TTYH3: variants seen among roughly 807,000 people sequenced by gnomAD.
The protein encoded by TTYH3 is tweety family member 3.
TTYH3 carries 23 observed loss-of-function variants against 68.2 expected under a neutral mutation model. The observed-to-expected ratio is 0.34, with a 90% CI of 0.24 to 0.48. TTYH3 has a LOEUF of 0.48. TTYH3 is among the 20% of genes least tolerant of loss of function. The pLI is 0.99. For synonymous variants in TTYH3, 360 were observed against 332.8 expected, an observed-to-expected ratio of 1.08 and a Z score of -0.89; for missense variants, 768 against 727.7, an observed-to-expected ratio of 1.06 and a Z score of -0.64.
At chr7:2,657,421 GAT>G (rs1339793615) in intron 11 of TTYH3, among the ~76,000 whole-genome samples, 1 of 45,984 alleles carries the variant, frequency 2.2e-5, no homozygotes, top group Non-Finnish European at 3.4e-5. Flanking sequence ...TGGTGGTGGT[GAT>G]GGTGATGGTG....
rs189104751 is a variant in TTYH3, at chr7:2,633,472, G to A, written c.123+1194G>A. On this transcript the variant is annotated intron_variant, in intron 1 of 13. Transcript: ENST00000258796. ...GCCGAGCCGATGACGTTTCCTAACA[G>A]ATGAGGAAGGGGGCGAGGGATCGGC... Among the ~76,000 whole-genome samples the A allele has an allele frequency of 4.2e-3, 646 of 152,246 alleles. 6 individuals carry two copies. Among genetic ancestry groups the A allele is most frequent in the African/African-American group, 0.014 (593 of 41,562 alleles).
chr7:2,643,196 A>G (rs1377839608), intron 1 of TTYH3, among the ~76,000 whole-genome samples: 1 of 151,038 alleles, frequency 6.6e-6, no homozygotes, highest in Non-Finnish European at 1.5e-5. Context: ...TCTATTAAAA[A>G]TACAAAAAAT....
At chr7:2,649,497 C>A (rs1786100016) in intron 5 of TTYH3, 70 bp from the exon 6 acceptor site, 2 of 1,469,824 alleles carry the variant, frequency 1.4e-6, no homozygotes, top group Non-Finnish European at 1.8e-6. Flanking sequence ...TGCCTTCTGG[C>A]CTGCAGCCCA....
At position 2,647,020 on chromosome 7, in the gene TTYH3, C is replaced by G; in HGVS notation, c.291C>G (p.Cys97Trp). 1 of 1,557,652 alleles carries G rather than the reference C, an allele frequency of 6.4e-7. No individual in the cohort carries two copies. The highest frequency in any genetic ancestry group is 8.7e-7 in the Non-Finnish European group (1 of 1,155,754). The change falls in exon 2 of 14, where the codon TGC (cysteine) becomes TGG (tryptophan). Residue 97 changes from cysteine (C) to tryptophan (W), a missense_variant and splice_region_variant. Cys to Trp is a radical substitution (Grantham distance 215). Coordinates refer to ENST00000258796, the MANE Select transcript of TTYH3 (RefSeq NM_025250.3). Reference sequence around the variant, plus strand: ...GTGTCATCATCGCCACGCTGGTGTGCAGGTGAGCGCGGTGGGGCGGGGACG... The same window carrying G: ...GTGTCATCATCGCCACGCTGGTGTGGAGGTGAGCGCGGTGGGGCGGGGACG... ...AWCVIIATLV[C>W]SAGIAVGFYG...
chr7:2,637,268 G>T (rs1355363935), intron 1 of TTYH3, among the ~76,000 whole-genome samples: 2 of 152,144 alleles, frequency 1.3e-5, no homozygotes, highest in Admixed American at 1.3e-4. Flanking sequence ...CCCCGGCCGG[G>T]GGCTCTTGGT....
At position 2,647,163 on chromosome 7, in the gene TTYH3, C is replaced by G; in HGVS notation, c.315C>G (p.Phe105Leu). 1 of 1,606,118 alleles carries G rather than the reference C, an allele frequency of 6.2e-7. No individual in the cohort carries two copies. Among genetic ancestry groups the G allele is most frequent in the Non-Finnish European group, 8.5e-7 (1 of 1,177,808 alleles). Residue 105 changes from phenylalanine to leucine, a missense_variant, in exon 3 of 14, where the codon TTC becomes TTG. Physicochemically the swap from Phe to Leu is conservative, Grantham distance 22. Transcript: ENST00000258796. ...LVCSAGIAVGFYGNGETSDGI... is the reference protein window; with the variant it reads ...LVCSAGIAVGLYGNGETSDGI... ...CCAGCGCCGGCATCGCAGTGGGATT[C>G]TACGGCAACGGGGAGACCAGTGATG...
intron 7 of TTYH3, 70 bp downstream of exon 7, chr7:2,650,058 G>A: frequency 6.5e-7 from 1 of 1,545,162 alleles, no homozygotes; most frequent in Non-Finnish European, 8.9e-7. Context: ...GAGTGGGGTA[G>A]CTGAGGCCGA....
intron 11 of TTYH3, among the ~76,000 whole-genome samples, chr7:2,657,401 G>GA (rs1786367050): frequency 7.9e-6 from 1 of 127,240 alleles, no homozygotes; most frequent in African/African-American, 4.1e-5. Context: ...GATGATGGTG[G>GA]TGGTGGTTGT....
chr7:2,641,260 G>T (rs528247610), intron 1 of TTYH3, among the ~76,000 whole-genome samples: 44 of 152,312 alleles, frequency 2.9e-4, no homozygotes, highest in African/African-American at 1.0e-3. Context: ...TGGCTGGCTG[G>T]GTGTTTCCAG....
intron 8 of TTYH3, 103 bp downstream of exon 8, chr7:2,652,345 G>C: frequency 9.9e-7 from 1 of 1,007,836 alleles, no homozygotes. Context: ...TCAGCCTGCA[G>C]GACTGGGGAA....
At chr7:2,651,811 G>T (rs938574531) in intron 7 of TTYH3, among the ~76,000 whole-genome samples, 1 of 152,160 alleles carries the variant, frequency 6.6e-6, no homozygotes, top group African/African-American at 2.4e-5. Flanking sequence ...GTGGAACCCA[G>T]GCAAGGGGCA....
At position 2,662,948 on chromosome 7, in the gene TTYH3, C is replaced by A. The variant is rs1447989084; in HGVS notation, c.*1209C>A. Reference sequence around the variant, plus strand: ...GCAGGTGCTGCCCCAGGAGGACTGTCCTCGGGAATGAACCTCCCGCGGGCT... The same window carrying A: ...GCAGGTGCTGCCCCAGGAGGACTGTACTCGGGAATGAACCTCCCGCGGGCT... On this transcript the variant is annotated 3_prime_UTR_variant, in exon 14 of 14. Transcript: ENST00000258796. 6.6e-6 allele frequency: 1 copy of A among 152,288 alleles called. No individual in the cohort carries two copies. Among genetic ancestry groups the A allele is most frequent in the Non-Finnish European group, 1.5e-5 (1 of 68,072 alleles). The allele number at this position is 152,288 out of a possible 1,614,324, so 9.4% of individuals were successfully genotyped here.
In TTYH3 at chr7:2,661,854, G is replaced by GGGGCAC; in HGVS notation, c.*115_*116insGGGCAC. 3 of 1,186,396 alleles carry GGGGCAC rather than the reference G, an allele frequency of 2.5e-6. No individual in the cohort carries two copies. Among genetic ancestry groups the GGGGCAC allele is most frequent in the Non-Finnish European group, 3.6e-6 (3 of 834,698 alleles). 73.5% of individuals were successfully genotyped at this position (1,186,396 alleles called of 1,614,324 possible). On this transcript the variant is annotated 3_prime_UTR_variant, in exon 14 of 14. Coordinates refer to ENST00000258796, the MANE Select transcript of TTYH3 (RefSeq NM_025250.3). ...CGCACGCCGTGCCAGGCCTGCCCCA[G>GGGGCAC]ACGCGTCTGCAGGCCGCTTGCCCTC...
chr7:2,654,478 T>C (rs1393409660), intron 9 of TTYH3, among the ~76,000 whole-genome samples: 1 of 151,594 alleles, frequency 6.6e-6, no homozygotes, highest in Admixed American at 6.6e-5. Context: ...ATAAAAATTA[T>C]ACACACACAC....
Position 2,661,821 on chromosome 7 carries a change from C to G in TTYH3, c.*82C>G. ...TGCCGCTTCCACCTGGGCCACCCACCGGACCCTCGCACGCCGTGCCAGGCC... is the reference window on the plus strand; with the variant it reads ...TGCCGCTTCCACCTGGGCCACCCACGGGACCCTCGCACGCCGTGCCAGGCC... On this transcript the variant is annotated 3_prime_UTR_variant, in exon 14 of 14. Coordinates refer to ENST00000258796, the MANE Select transcript of TTYH3 (RefSeq NM_025250.3). 6.9e-7 allele frequency: 1 copy of G among 1,449,386 alleles called. No individual in the cohort carries two copies. The highest frequency in any genetic ancestry group is 9.4e-7 in the Non-Finnish European group (1 of 1,064,702). The allele number at this position is 1,449,386 out of a possible 1,614,324, so 89.8% of individuals were successfully genotyped here. A position where few individuals can be genotyped will look rare whatever the true frequency, so the allele number is the denominator to read the frequency against.
At chr7:2,642,481 G>A (rs1031546681) in intron 1 of TTYH3, among the ~76,000 whole-genome samples, 13 of 146,608 alleles carry the variant, frequency 8.9e-5, no homozygotes, top group African/African-American at 3.1e-4. Context: ...GGTGGAGGTT[G>A]CAGTGAGCCG....
chr7:2,647,002 C>A lies in TTYH3; in HGVS notation c.273C>A (p.Ile91=), dbSNP rs139351054. The stretch of plus-strand genomic sequence containing the variant: ...GCTGCTGCACGGCCTGGTGTGTCAT[C>A]ATCGCCACGCTGGTGTGCAGGTGAG... ...ADCCCTAWCV[I]IATLVCSAGI... is the part of the protein sequence containing the mutation. Residue 91 remains isoleucine, a synonymous_variant, in exon 2 of 14, where the codon ATC becomes ATA. Coordinates refer to ENST00000258796, the MANE Select transcript of TTYH3 (RefSeq NM_025250.3). 2.5e-6 allele frequency: 4 copies of A among 1,579,618 alleles called. No homozygotes were observed. Among genetic ancestry groups the A allele is most frequent in the Non-Finnish European group, 3.4e-6 (4 of 1,167,296 alleles).
At position 2,647,151 on chromosome 7, in the gene TTYH3, C is replaced by T; in HGVS notation, c.303C>T (p.Ile101=). ...IIATLVCSAG[I]AVGFYGNGET... is the part of the protein sequence containing the mutation. ...GGCCCGCCCTCTCCAGCGCCGGCAT[C>T]GCAGTGGGATTCTACGGCAACGGGG... Residue 101 remains isoleucine (I), a synonymous_variant, in exon 3 of 14, where the codon ATC becomes ATT. Transcript: ENST00000258796. 1 of 1,603,888 alleles carries T rather than the reference C, an allele frequency of 6.2e-7. No homozygotes were observed. The highest frequency in any genetic ancestry group is 8.5e-7 in the Non-Finnish European group (1 of 1,176,920).
intron 1 of TTYH3, among the ~76,000 whole-genome samples, chr7:2,635,118 A>G (rs1448198299): frequency 6.6e-6 from 1 of 152,092 alleles, no homozygotes; most frequent in African/African-American, 2.4e-5. Context: ...AGGGATTTGG[A>G]GGCCCACAGG....
Sources: allele counts gnomAD v4.1 joint callset (sites outside exome capture counted in the v4.1 genomes callset), GRCh38; gene constraint gnomAD v4.1.1; transcripts MANE v1.5; gene names NCBI Gene and HGNC (gene_info 2026-07-23, HGNC 2026-07-21).